The following TLN2 variants were observed in gnomAD, a reference collection of about 807,000 sequenced individuals.
TLN2 encodes talin 2.
In TLN2, 118 loss-of-function variants were observed where a neutral mutation model predicts 294.7. The ratio of observed to expected loss-of-function variants is 0.40; its 90% CI spans 0.34 to 0.47. The LOEUF is 0.47. Among genes scored for constraint, TLN2 ranks in the 20% least tolerant of loss-of-function variants. TLN2 has a pLI of 0.84. For missense variants in TLN2, 3,083 were observed against 3,282.2 expected, an observed-to-expected ratio of 0.94 and a Z score of 1.48; for synonymous variants, 1,431 against 1,304.5, an observed-to-expected ratio of 1.10 and a Z score of -2.09.
At chr15:62,683,694 C>T (rs1252295042) in intron 11 of TLN2, among the ~76,000 whole-genome samples, 1 of 152,198 alleles carries the variant, frequency 6.6e-6, no homozygotes, top group Non-Finnish European at 1.5e-5. Context: ...TCAAAAATCA[C>T]AGCTACAGCT....
intron 1 of TLN2, among the ~76,000 whole-genome samples, chr15:62,444,065 T>C (rs771109065): frequency 1.3e-5 from 2 of 152,236 alleles, no homozygotes; most frequent in Non-Finnish European, 2.9e-5. Context: ...AGAACCTTTA[T>C]TGAGCACCTA....
intron 1 of TLN2, among the ~76,000 whole-genome samples, chr15:62,403,695 A>T (rs1442608434): frequency 1.3e-5 from 2 of 151,726 alleles, no homozygotes; most frequent in Non-Finnish European, 2.9e-5. Flanking sequence ...TGGTTCTCCT[A>T]CCCCCGGCTT....
At chr15:62,741,374 C>T (rs1212923923) in intron 32 of TLN2, among the ~76,000 whole-genome samples, 2 of 152,130 alleles carry the variant, frequency 1.3e-5, no homozygotes, top group Admixed American at 1.3e-4. Context: ...TGGTTTCACC[C>T]AGGGAAGTGG....
intron 1 of TLN2, among the ~76,000 whole-genome samples, chr15:62,420,640 A>G (rs1250922583): frequency 1.3e-5 from 2 of 152,234 alleles, no homozygotes; most frequent in African/African-American, 2.4e-5. Context: ...GTTAAGTTAA[A>G]TATTAAAAGC....
intron 1 of TLN2, among the ~76,000 whole-genome samples, chr15:62,510,987 CG>C (rs2039902975): frequency 6.6e-6 from 1 of 152,200 alleles, no homozygotes; most frequent in African/African-American, 2.4e-5. Context: ...TTGACAAGAA[CG>C]TCTTACAATA....
At chr15:62,730,029 CTTTTTTTTT>C (rs11368681) in intron 28 of TLN2, among the ~76,000 whole-genome samples, 4 of 121,174 alleles carry the variant, frequency 3.3e-5, no homozygotes, top group African/African-American at 6.4e-5. Context: ...TTATTGTTGT[CTTTTTTTTT>C]TTTTTTTTTG....
rs1350724678 is a variant in TLN2 at position 62,793,930 on chromosome 15, C to A, written c.5883+1143C>A. Among the ~76,000 whole-genome samples, 6 of 151,848 alleles carry A rather than the reference C, an allele frequency of 4.0e-5. No individual in the cohort carries two copies. The East Asian group carries it at 1.2e-3, about 30-fold the overall frequency. ...CGTGGCCCTCCCTGAGGCCAAGCTA[C>A]AGTCTGGCCTTCTCCCATAGCCCAC... On this transcript the variant is annotated intron_variant, in intron 46 of 58. Coordinates refer to ENST00000636159, the MANE Select transcript of TLN2 (RefSeq NM_015059.3).
chr15:62,654,416 C>T (rs1253355397), intron 7 of TLN2, among the ~76,000 whole-genome samples: 1 of 152,084 alleles, frequency 6.6e-6, no homozygotes, highest in Admixed American at 6.6e-5. Context: ...TAACATCCAT[C>T]AATGACCATT....
intron 21 of TLN2, among the ~76,000 whole-genome samples, chr15:62,711,070 A>G (rs1049819861): frequency 3.3e-5 from 5 of 152,104 alleles, no homozygotes; most frequent in African/African-American, 9.7e-5. Flanking sequence ...CCAGGATACC[A>G]CAGTGAATTG....
chr15:62,533,533 C>G (rs1011801587), intron 1 of TLN2, among the ~76,000 whole-genome samples: 2 of 151,974 alleles, frequency 1.3e-5, no homozygotes, highest in African/African-American at 4.8e-5. Context: ...AATAGATAAG[C>G]ACATCTATAT....
chr15:62,727,126 G>T lies in TLN2; in HGVS notation c.3295G>T (p.Ala1099Ser). ...TCAGGACCTGGGAAGCACATCCAAG[G>T]CGGTGGGCTCCTCCATGGCACAGCT... ...CAQDLGSTSK[A>S]VGSSMAQLLT... Residue 1099 changes from alanine to serine, a missense_variant, in exon 28 of 59, where the codon GCG becomes TCG. By Grantham distance (99) the Ala-to-Ser change is moderately conservative (BLOSUM62 1). Coordinates refer to ENST00000636159, the MANE Select transcript of TLN2 (RefSeq NM_015059.3). 3 of 1,614,178 alleles carry T rather than the reference G, an allele frequency of 1.9e-6. No homozygotes were observed. Among genetic ancestry groups the T allele is most frequent in the South Asian group, 2.2e-5 (2 of 91,074 alleles).
At chr15:62,759,431 C>T (rs2062520595) in intron 37 of TLN2, among the ~76,000 whole-genome samples, 1 of 95,514 alleles carries the variant, frequency 1.0e-5, no homozygotes, top group Non-Finnish European at 2.5e-5. Context: ...ACAAAAGCCC[C>T]AAACAAACAA....
chr15:62,670,498 A>T (rs1242064205), intron 9 of TLN2, among the ~76,000 whole-genome samples: 2 of 152,186 alleles, frequency 1.3e-5, no homozygotes, highest in Non-Finnish European at 2.9e-5. Flanking sequence ...TTAATATCTA[A>T]ACTGCTGCAG....
intron 1 of TLN2, among the ~76,000 whole-genome samples, chr15:62,456,106 A>G (rs1252686591): frequency 1.3e-5 from 2 of 151,390 alleles, no homozygotes; most frequent in Non-Finnish European, 1.5e-5. Flanking sequence ...CAAGCCCCCA[A>G]GGGGACAAGT....
intron 1 of TLN2, among the ~76,000 whole-genome samples, chr15:62,431,016 TGA>T (rs1433363067): frequency 9.2e-5 from 14 of 152,034 alleles, no homozygotes; most frequent in African/African-American, 3.1e-4. Context: ...AGGGAGGATC[TGA>T]GAGACTGATA....
chr15:62,693,450 C>G (rs2058081385), intron 13 of TLN2, among the ~76,000 whole-genome samples: 3 of 152,310 alleles, frequency 2.0e-5, no homozygotes, highest in African/African-American at 7.2e-5. Context: ...ATATTTGTGT[C>G]ATTTACTACC....
At chr15:62,801,517 C>A (rs2065925078) in intron 50 of TLN2, among the ~76,000 whole-genome samples, 1 of 152,174 alleles carries the variant, frequency 6.6e-6, no homozygotes, top group Admixed American at 6.5e-5. Context: ...GCCTTTGCTG[C>A]CAATTGTTCT....
At chr15:62,433,862 AC>A (rs2035149527) in intron 1 of TLN2, among the ~76,000 whole-genome samples, 1 of 152,060 alleles carries the variant, frequency 6.6e-6, no homozygotes, top group African/African-American at 2.4e-5. Context: ...GATGGCAGGT[AC>A]CTGTAATCCC....
chr15:62,728,778 A>G (rs1005295107), intron 28 of TLN2, among the ~76,000 whole-genome samples: 3 of 152,098 alleles, frequency 2.0e-5, no homozygotes, highest in Admixed American at 6.5e-5. Flanking sequence ...TTTGTTACTT[A>G]CATGTATTTC....
Sources: gnomAD v4.1 joint callset for allele counts (sites outside exome capture counted in the v4.1 genomes callset) on GRCh38, gnomAD v4.1.1 for gene constraint, MANE v1.5 for transcripts, NCBI Gene and HGNC (gene_info 2026-07-23, HGNC 2026-07-21) for gene names.